Variants in MDGA2 observed in about 807,000 individuals in gnomAD.
The protein encoded by MDGA2 is MAM domain-containing glycosylphosphatidylinositol anchor protein 2.
MDGA2 carries 40 observed loss-of-function variants against 117.8 expected under a neutral mutation model. The ratio of observed to expected loss-of-function variants is 0.34; its 90% confidence interval spans 0.26 to 0.44. MDGA2 has a LOEUF of 0.44. MDGA2 is among the 20% of genes least tolerant of loss of function. The pLI, the probability that MDGA2 is intolerant of heterozygous loss-of-function variation, is 1.00. For missense variants in MDGA2, 1,123 were observed against 1,250.6 expected (o/e 0.90, Z 1.54); for synonymous variants, 452 against 439.0 (o/e 1.03, Z -0.37).
intron 1 of MDGA2, among the ~76,000 whole-genome samples, chr14:47,328,517 T>C (rs949113768): frequency 6.6e-5 from 10 of 152,186 alleles, no homozygotes; most frequent in Non-Finnish European, 1.5e-4. Flanking sequence ...GCACGTTTTA[T>C]GCATTCTTGG....
intron 5 of MDGA2, among the ~76,000 whole-genome samples, chr14:47,111,358 G>T (rs1324053446): frequency 1.3e-5 from 2 of 151,898 alleles, no homozygotes; most frequent in Non-Finnish European, 2.9e-5. Context: ...AATATTGGAT[G>T]ATATTTAGGC....
intron 2 of MDGA2, among the ~76,000 whole-genome samples, chr14:47,263,731 T>C (rs1294015726): frequency 1.3e-5 from 2 of 152,168 alleles, no homozygotes. Context: ...CAGAAGATGA[T>C]TTGCCTTGAC....
chr14:47,536,453 C>G (rs1895212464), intron 1 of MDGA2, among the ~76,000 whole-genome samples: 1 of 152,206 alleles, frequency 6.6e-6, no homozygotes, highest in South Asian at 2.1e-4. Flanking sequence ...AACTGTGAGT[C>G]TCACATTGCT....
chr14:46,924,291 A>G (rs905750353), intron 9 of MDGA2, among the ~76,000 whole-genome samples: 10 of 152,170 alleles, frequency 6.6e-5, no homozygotes, highest in African/African-American at 1.9e-4. Context: ...AGATTGCAAA[A>G]TATAATTTTA....
intron 3 of MDGA2, among the ~76,000 whole-genome samples, chr14:47,181,525 A>T (rs2139371603): frequency 6.6e-6 from 1 of 152,366 alleles, no homozygotes; most frequent in East Asian, 1.9e-4. Flanking sequence ...TTATTCTGTT[A>T]TTGAATCCTT....
chr14:47,631,005 A>T (rs1897242577), intron 1 of MDGA2, among the ~76,000 whole-genome samples: 1 of 152,232 alleles, frequency 6.6e-6, no homozygotes, highest in African/African-American at 2.4e-5. Context: ...TTGGTCACAG[A>T]GCAAGACAGC....
chr14:47,271,350 C>T (rs936856399), intron 2 of MDGA2, among the ~76,000 whole-genome samples: 1 of 152,162 alleles, frequency 6.6e-6, no homozygotes, highest in Non-Finnish European at 1.5e-5. Context: ...AAGTACAGTG[C>T]GAGCAAGTCT....
intron 9 of MDGA2, among the ~76,000 whole-genome samples, chr14:46,922,966 A>G (rs1393750678): frequency 1.3e-5 from 2 of 152,206 alleles, no homozygotes; most frequent in African/African-American, 4.8e-5. Context: ...TTTGTTGACT[A>G]CCACGAGGAT....
Position 47,316,668 on chromosome 14 carries a change from A to C in MDGA2, c.281-15118T>G, listed in dbSNP as rs145363496. On this transcript the variant is annotated intron_variant, in intron 1 of 16. Coordinates refer to ENST00000399232, the MANE Select transcript of MDGA2 (RefSeq NM_001113498.3). ...AGGCTTCTGTCTAATCAATCACTAGAATCAGCATTTTTAGAAATAACATTT... is the reference window on the plus strand; with the variant it reads ...AGGCTTCTGTCTAATCAATCACTAGCATCAGCATTTTTAGAAATAACATTT... Among the ~76,000 whole-genome samples the C allele has an allele frequency of 1.7e-3, 259 of 152,248 alleles. 1 individual carries two copies. Among genetic ancestry groups the C allele is most frequent in the African/African-American group, 6.0e-3 (250 of 41,576 alleles).
At chr14:47,552,396 CCA>C (rs1895599054) in intron 1 of MDGA2, among the ~76,000 whole-genome samples, 1 of 152,200 alleles carries the variant, frequency 6.6e-6, no homozygotes, top group Non-Finnish European at 1.5e-5. Context: ...TAAAGCTCTT[CCA>C]CAGTTTAACC....
chr14:47,394,485 C>T (rs1047571915), intron 1 of MDGA2, among the ~76,000 whole-genome samples: 3 of 152,080 alleles, frequency 2.0e-5, no homozygotes, highest in African/African-American at 7.2e-5. Flanking sequence ...ATCATATAGG[C>T]GTGGCTATTT....
intron 10 of MDGA2, among the ~76,000 whole-genome samples, chr14:46,914,825 C>T (rs1883839567): frequency 6.6e-6 from 1 of 151,830 alleles, no homozygotes. Context: ...TACTAGATAA[C>T]CTAGGTATTT....
chr14:47,186,163 G>A (rs185718188), intron 3 of MDGA2, among the ~76,000 whole-genome samples: 1 of 151,608 alleles, frequency 6.6e-6, no homozygotes, highest in East Asian at 1.9e-4. Flanking sequence ...TGAAGTTCTT[G>A]AGAAAAATAT....
At chr14:47,352,047 C>G (rs1216336536) in intron 1 of MDGA2, among the ~76,000 whole-genome samples, 1 of 152,008 alleles carries the variant, frequency 6.6e-6, no homozygotes, top group Non-Finnish European at 1.5e-5. Flanking sequence ...TTGGTTTCCT[C>G]TTATATAAAG....
chr14:47,272,743 C>A (rs76507674), intron 2 of MDGA2, among the ~76,000 whole-genome samples: 4,717 of 152,248 alleles, frequency 0.031, 165 homozygotes, highest in East Asian at 0.18. Flanking sequence ...ATTTCATGCA[C>A]CTCATTCCAT....
At chr14:46,867,252 T>A (rs1214436049) in intron 14 of MDGA2, among the ~76,000 whole-genome samples, 2 of 152,120 alleles carry the variant, frequency 1.3e-5, no homozygotes, top group African/African-American at 4.8e-5. Context: ...AGGACATGGA[T>A]GAAATTGGAA....
rs374523568 is a variant in MDGA2, at chr14:47,591,051, C to G, written c.280+83466G>C. Reference sequence around the variant, plus strand: ...TCTGGAACAGGACAGGACATTTCACCTTTAAACTGGCAATGAATAGAACTT... The same window carrying G: ...TCTGGAACAGGACAGGACATTTCACGTTTAAACTGGCAATGAATAGAACTT... On this transcript the variant is annotated intron_variant, in intron 1 of 16. Transcript: ENST00000399232. 1.6e-3 allele frequency among the ~76,000 whole-genome samples: 247 copies of G among 152,106 alleles called. 1 individual carries two copies. In the Middle Eastern group the frequency reaches 0.027, roughly 17 times the overall value.
rs940655402 is a variant in MDGA2 at position 47,301,555 on chromosome 14, C to T, written c.281-5G>A. The T allele has an allele frequency of 2.7e-5, 42 of 1,551,178 alleles. No individual in the cohort carries two copies. The African/African-American group carries it at 5.2e-4, about 19-fold the overall frequency. ...CAATACGAACCGTGGGAGGAGCTGT[C>T]GAGTCAGGAAGAAGAGAGACAAGAT... On this transcript the variant is annotated splice_polypyrimidine_tract_variant and splice_region_variant and intron_variant, in intron 1 of 16. Transcript: ENST00000399232.
intron 7 of MDGA2, among the ~76,000 whole-genome samples, chr14:47,049,144 T>A (rs1889365218): frequency 1.3e-5 from 2 of 152,140 alleles, no homozygotes; most frequent in Non-Finnish European, 2.9e-5. Context: ...CTACTTACGT[T>A]TCATTTACAG....
Sources: gnomAD v4.1 joint callset for allele counts (sites outside exome capture counted in the v4.1 genomes callset) on GRCh38, gnomAD v4.1.1 for gene constraint, MANE v1.5 for transcripts, NCBI Gene and HGNC (gene_info 2026-07-23, HGNC 2026-07-21) for gene names.